Variants in TNIK observed in about 807,000 individuals in gnomAD.
The protein encoded by TNIK is TRAF2 and NCK interacting kinase.
TNIK carries 49 observed loss-of-function variants against 191.3 expected under a neutral mutation model. The observed-to-expected ratio is 0.26, with a 90% confidence interval of 0.20 to 0.32. The LOEUF is 0.32. Among genes scored for constraint, TNIK ranks in the 10% least tolerant of loss-of-function variants. The probability of loss-of-function intolerance (pLI) is 1.00; values close to 1 mark genes in which losing one functional copy is unlikely to be tolerated. For missense variants in TNIK, 1,155 were observed against 1,702.3 expected (o/e 0.68, Z 5.66); for synonymous variants, 594 against 600.9 (o/e 0.99, Z 0.17).
At chr3:171,300,839 T>C (rs984077493) in intron 2 of TNIK, among the ~76,000 whole-genome samples, 11 of 152,162 alleles carry the variant, frequency 7.2e-5, no homozygotes, top group Admixed American at 1.3e-4. Context: ...GGTTCCTTGA[T>C]GCGGTTTCTG....
intron 2 of TNIK, among the ~76,000 whole-genome samples, chr3:171,295,208 A>G (rs527332193): frequency 5.9e-5 from 9 of 152,194 alleles, no homozygotes; most frequent in Non-Finnish European, 1.3e-4. Flanking sequence ...CATGAGCATA[A>G]AGTTTAGGTA....
chr3:171,129,538 T>C (rs1200248395), intron 15 of TNIK, among the ~76,000 whole-genome samples: 1 of 152,218 alleles, frequency 6.6e-6, no homozygotes, highest in Non-Finnish European at 1.5e-5. Flanking sequence ...CATGTCCAGC[T>C]TGGACTCCAC....
At chr3:171,429,025 T>A (rs6444988) in intron 1 of TNIK, among the ~76,000 whole-genome samples, 94,596 of 151,920 alleles carry the variant, frequency 0.62, 30,674 homozygotes, top group African/African-American at 0.75. Flanking sequence ...GAATTTATCA[T>A]TCCATCAAGT....
intron 1 of TNIK, among the ~76,000 whole-genome samples, chr3:171,393,524 G>A (rs1407470385): frequency 6.6e-6 from 1 of 152,168 alleles, no homozygotes; most frequent in Non-Finnish European, 1.5e-5. Context: ...ACCATATGAT[G>A]GACCTACAAG....
chr3:171,166,298 C>T (rs1453415711), intron 10 of TNIK, among the ~76,000 whole-genome samples: 1 of 152,222 alleles, frequency 6.6e-6, no homozygotes, highest in Non-Finnish European at 1.5e-5. Flanking sequence ...CCCATCCAAC[C>T]TTAGTTTCAC....
At chr3:171,431,721 C>T (rs1725417385) in intron 1 of TNIK, among the ~76,000 whole-genome samples, 1 of 152,024 alleles carries the variant, frequency 6.6e-6, no homozygotes, top group South Asian at 2.1e-4. Flanking sequence ...ATCATTATTC[C>T]CATTTTACAG....
At chr3:171,223,936 T>C (rs1742670500) in intron 3 of TNIK, among the ~76,000 whole-genome samples, 1 of 152,150 alleles carries the variant, frequency 6.6e-6, no homozygotes, top group South Asian at 2.1e-4. Context: ...CTCAGGTTTT[T>C]CTTTGAGAAA....
At chr3:171,301,047 T>C (rs1055254059) in intron 2 of TNIK, among the ~76,000 whole-genome samples, 1 of 152,104 alleles carries the variant, frequency 6.6e-6, no homozygotes, top group South Asian at 2.1e-4. Context: ...CATGGATTAC[T>C]TACTAATTAC....
At chr3:171,131,514 T>C (rs1729287232) in intron 15 of TNIK, among the ~76,000 whole-genome samples, 2 of 152,042 alleles carry the variant, frequency 1.3e-5, no homozygotes, top group African/African-American at 4.8e-5. Flanking sequence ...AATTCTATCA[T>C]TAGTATATTT....
chr3:171,084,723 G>T (rs1721123767), intron 25 of TNIK, among the ~76,000 whole-genome samples: 1 of 152,124 alleles, frequency 6.6e-6, no homozygotes, highest in Non-Finnish European at 1.5e-5. Flanking sequence ...CTTTAAATCA[G>T]CCTGATCTTT....
intron 9 of TNIK, among the ~76,000 whole-genome samples, chr3:171,169,574 CT>C (rs537624571): frequency 6.6e-6 from 1 of 151,924 alleles, no homozygotes. Flanking sequence ...GCCAGAAGTG[CT>C]TTTTTTTATA....
Position 171,062,026 on chromosome 3 carries a change from A to G in TNIK, c.*1855T>C, listed in dbSNP as rs1717878173. The G allele has an allele frequency of 6.6e-6, 1 of 152,170 alleles. No individual in the cohort carries two copies. 9.4% of individuals were successfully genotyped at this position (152,170 alleles called of 1,614,324 possible). ...GAGGGGCATAATAATGTAATCCAGA[A>G]ACTAGAATGTTTCCCCTTCTCTTCC... On this transcript the variant is annotated 3_prime_UTR_variant, in exon 33 of 33. Transcript: ENST00000436636.
At chr3:171,375,881 C>T (rs938967055) in intron 1 of TNIK, among the ~76,000 whole-genome samples, 1 of 152,138 alleles carries the variant, frequency 6.6e-6, no homozygotes, top group South Asian at 2.1e-4. Context: ...CTCCAAAACG[C>T]CTCTTAAAGA....
intron 1 of TNIK, among the ~76,000 whole-genome samples, chr3:171,393,383 G>A (rs559512705): frequency 1.3e-5 from 2 of 152,334 alleles, no homozygotes; most frequent in African/African-American, 2.4e-5. Flanking sequence ...AGCTGCTGCA[G>A]GAGAGAGCAG....
At chr3:171,172,384 G>A (rs1560213748) in intron 9 of TNIK, among the ~76,000 whole-genome samples, 3 of 152,076 alleles carry the variant, frequency 2.0e-5, no homozygotes, top group Non-Finnish European at 2.9e-5. Flanking sequence ...TCTCTTGGTC[G>A]GGGGAGGGAG....
At chr3:171,372,076 G>C (rs1434694771) in intron 1 of TNIK, among the ~76,000 whole-genome samples, 1 of 152,190 alleles carries the variant, frequency 6.6e-6, no homozygotes, top group Non-Finnish European at 1.5e-5. Flanking sequence ...TACATCCAAA[G>C]GTCACTCGCC....
At chr3:171,112,792 T>G (rs1476740414) in intron 18 of TNIK, among the ~76,000 whole-genome samples, 2 of 151,730 alleles carry the variant, frequency 1.3e-5, no homozygotes, top group East Asian at 1.9e-4. Context: ...GTGTAATAGC[T>G]TCATTAATTG....
intron 4 of TNIK, among the ~76,000 whole-genome samples, chr3:171,201,295 A>G (rs551952606): frequency 1.8e-4 from 28 of 152,274 alleles, no homozygotes; most frequent in Non-Finnish European, 2.8e-4. Flanking sequence ...GCTACTCGGG[A>G]GGCTGAGGCA....
Position 171,228,237 on chromosome 3 carries a change from A to G in TNIK, c.124-16T>C. ...CATGACGACCCTGTGAAGAAAAAATAATAACAAAAGATTTAGTTCTGATGA... is the reference window on the plus strand; with the variant it reads ...CATGACGACCCTGTGAAGAAAAAATGATAACAAAAGATTTAGTTCTGATGA... On this transcript the variant is annotated splice_polypyrimidine_tract_variant and intron_variant, in intron 2 of 32. Transcript: ENST00000436636. 6.2e-7 allele frequency: 1 copy of G among 1,613,420 alleles called. No individual in the cohort carries two copies. The highest frequency in any genetic ancestry group is 8.5e-7 in the Non-Finnish European group (1 of 1,179,494).
Sources: gnomAD v4.1 joint callset for allele counts (sites outside exome capture counted in the v4.1 genomes callset) on GRCh38, gnomAD v4.1.1 for gene constraint, MANE v1.5 for transcripts, NCBI Gene and HGNC (gene_info 2026-07-23, HGNC 2026-07-21) for gene names.